Variants in HMGXB3 observed in about 807,000 individuals in gnomAD.
The protein encoded by HMGXB3 is HMG domain-containing protein 3.
A neutral mutation model predicts 121.5 loss-of-function variants in HMGXB3; 45 were observed. The ratio of observed to expected loss-of-function variants is 0.37; its 90% CI spans 0.29 to 0.47. The LOEUF (loss-of-function observed/expected upper bound fraction) is 0.47, where lower values mean the gene tolerates loss of function less well. Among genes scored for constraint, HMGXB3 ranks in the 20% least tolerant of loss-of-function variants. HMGXB3 has a pLI of 0.99. For missense variants in HMGXB3, 1,376 were observed against 1,602.2 expected (o/e 0.86, Z 2.41); for synonymous variants, 590 against 624.1 (o/e 0.95, Z 0.81).
Position 150,026,775 on chromosome 5 carries a change from A to G in HMGXB3, c.1530A>G (p.Leu510=). The G allele has an allele frequency of 6.4e-7, 1 of 1,550,850 alleles. No individual in the cohort carries two copies. The highest frequency in any genetic ancestry group is 1.4e-5 in the African/African-American group (1 of 73,072). ...LKGRARGKPS[L]LAAARPMRAI... is the part of the protein sequence containing the mutation. ...GCAGAGCACGGGGCAAGCCCTCATTACTGGCTGCAGCAAGACCCATGAGAG... is the reference window on the plus strand; with the variant it reads ...GCAGAGCACGGGGCAAGCCCTCATTGCTGGCTGCAGCAAGACCCATGAGAG... The change falls in exon 8 of 20, where the codon TTA becomes TTG. Residue 510 remains leucine, a synonymous_variant. Transcript: ENST00000502717.
chr5:150,048,452 C>G, intron 17 of HMGXB3, 117 bp from the exon 18 acceptor site: 3 of 753,932 alleles, frequency 4.0e-6, no homozygotes, highest in Non-Finnish European at 4.6e-6. Context: ...AAGGCCCGCT[C>G]TGACCCAGGC....
At chr5:150,033,408 G>T (rs894489680) in intron 11 of HMGXB3, among the ~76,000 whole-genome samples, 21 of 152,192 alleles carry the variant, frequency 1.4e-4, no homozygotes, top group African/African-American at 4.3e-4. Context: ...AATGGAAGGG[G>T]AAGGCATGCC....
In HMGXB3 at chr5:150,052,706, C is replaced by G. The variant is rs2113768386; in HGVS notation, c.*514C>G. 6.4e-6 allele frequency: 1 copy of G among 156,572 alleles called. No individual in the cohort carries two copies. Among genetic ancestry groups the G allele is most frequent in the Admixed American group, 6.2e-5 (1 of 16,248 alleles). The allele number at this position is 156,572 out of a possible 1,614,324, so 9.7% of individuals were successfully genotyped here. On this transcript the variant is annotated 3_prime_UTR_variant, in exon 20 of 20. Transcript: ENST00000502717. ...GGTCCCTTTGGGCTCTTGATTCTCC[C>G]TGAAGGAGGGATGCATTTCTCTCTT... is the stretch of plus-strand genomic sequence containing the variant.
rs2113767841 is a variant in HMGXB3, at chr5:150,052,398, C to T, written c.*206C>T. 1 of 567,718 alleles carries T rather than the reference C, an allele frequency of 1.8e-6. No homozygotes were observed. Among genetic ancestry groups the T allele is most frequent in the East Asian group, 2.8e-5 (1 of 35,358 alleles). 35.2% of individuals were successfully genotyped at this position (567,718 alleles called of 1,614,324 possible). A position where few individuals can be genotyped will look rare whatever the true frequency, so the allele number is the denominator to read the frequency against. ...ACCCTCCAGGGGTCAGGAGTGGTACCAGGAAACCTCTTCTGGCCCCGAGAG... is the reference window on the plus strand; with the variant it reads ...ACCCTCCAGGGGTCAGGAGTGGTACTAGGAAACCTCTTCTGGCCCCGAGAG... On this transcript the variant is annotated 3_prime_UTR_variant, in exon 20 of 20. Coordinates refer to ENST00000502717, the MANE Select transcript of HMGXB3 (RefSeq NM_014983.3).
At position 150,052,886 on chromosome 5, in the gene HMGXB3, G is replaced by A. The variant is rs895879766; in HGVS notation, c.*694G>A. The A allele has an allele frequency of 6.6e-6, 1 of 152,428 alleles. No homozygotes were observed. The highest frequency in any genetic ancestry group is 1.5e-5 in the Non-Finnish European group (1 of 68,294). The allele number at this position is 152,428 out of a possible 1,614,324, so 9.4% of individuals were successfully genotyped here. A position where few individuals can be genotyped will look rare whatever the true frequency, so the allele number is the denominator to read the frequency against. ...TGCTGCTGCAGCCAATATCCTCTCTGGGCCTGGGACCCTCTCCACAGAGGG... is the reference window on the plus strand; with the variant it reads ...TGCTGCTGCAGCCAATATCCTCTCTAGGCCTGGGACCCTCTCCACAGAGGG... On this transcript the variant is annotated 3_prime_UTR_variant, in exon 20 of 20. Transcript: ENST00000502717.
intron 8 of HMGXB3, 43 bp downstream of exon 8, chr5:150,026,924 G>A: frequency 6.6e-7 from 1 of 1,514,784 alleles, no homozygotes; most frequent in Non-Finnish European, 8.9e-7. Flanking sequence ...CTGTCTGACA[G>A]GAAAGGGACA....
At position 150,036,921 on chromosome 5, in the gene HMGXB3, T is replaced by G; in HGVS notation, c.2269T>G (p.Phe757Val). ...GTGCCTTCTCTGTAGCAGCCCATTA[T>G]TCAAAGGGGGACAAAAGTAAGCACC... is the stretch of plus-strand genomic sequence containing the variant. Reference protein sequence around the residue: ...TQCLLCSSPLFKGGQNSLAGP... With the variant: ...TQCLLCSSPLVKGGQNSLAGP... Residue 757 changes from phenylalanine to valine, a missense_variant, in exon 12 of 20, where the codon TTC (phenylalanine) becomes GTC (valine). By Grantham distance (50) the Phe-to-Val change is conservative (BLOSUM62 -1). Transcript: ENST00000502717. 1.3e-6 allele frequency: 2 copies of G among 1,551,012 alleles called. No homozygotes were observed. Among genetic ancestry groups the G allele is most frequent in the Non-Finnish European group, 1.7e-6 (2 of 1,146,626 alleles).
rs571807817 is a variant in HMGXB3 at position 150,044,855 on chromosome 5, A to G, written c.2731-611A>G. Among the ~76,000 whole-genome samples, 17 of 152,340 alleles carry G rather than the reference A, an allele frequency of 1.1e-4. No homozygotes were observed. The South Asian group carries it at 3.1e-3, about 28-fold the overall frequency. ...TGCAAGAAGAAAAATTGAGTAGCAC[A>G]AGCGCTATTAATAGATGTCTATAAG... On this transcript the variant is annotated intron_variant, in intron 15 of 19. Coordinates refer to ENST00000502717, the MANE Select transcript of HMGXB3 (RefSeq NM_014983.3).
chr5:150,030,861 G>A lies in HMGXB3; in HGVS notation c.1833+22G>A, dbSNP rs1330573684. The A allele has an allele frequency of 3.3e-6, 5 of 1,524,874 alleles. No homozygotes were observed. In the Admixed American group the frequency reaches 5.9e-5, roughly 18 times the overall value. 94.5% of individuals were successfully genotyped at this position (1,524,874 alleles called of 1,614,324 possible). A position where few individuals can be genotyped will look rare whatever the true frequency, so the allele number is the denominator to read the frequency against. On this transcript the variant is annotated intron_variant, in intron 10 of 19. Coordinates refer to ENST00000502717, the MANE Select transcript of HMGXB3 (RefSeq NM_014983.3). ...ATTGGTAAGTATGCAGCTAGGTGGT[G>A]GTGGGTTGACATGGAGGTTGTTTTG...
chr5:150,016,820 T>C (rs1358202235), intron 5 of HMGXB3, among the ~76,000 whole-genome samples: 1 of 152,222 alleles, frequency 6.6e-6, no homozygotes, highest in Non-Finnish European at 1.5e-5. Context: ...CTTCTTCTGA[T>C]ATAAGTATTT....
chr5:150,024,478 A>G lies in HMGXB3; in HGVS notation c.1258A>G (p.Ile420Val), dbSNP rs111881981. 83 of 1,551,726 alleles carry G rather than the reference A, an allele frequency of 5.3e-5. 2 individuals carry two copies. The African/African-American group carries it at 7.9e-4, about 15-fold the overall frequency. ...GEESEWEEVI[I>V]SDAHVLVKEA... ...GGAGAGTGAGTGGGAGGAAGTGATCATCTCCGATGCCCATGTTTTGGTTAA... is the reference window on the plus strand; with the variant it reads ...GGAGAGTGAGTGGGAGGAAGTGATCGTCTCCGATGCCCATGTTTTGGTTAA... The change falls in exon 7 of 20, where the codon ATC becomes GTC. Residue 420 changes from isoleucine (I) to valine (V), a missense_variant. Ile to Val is a conservative substitution (Grantham distance 29). Transcript: ENST00000502717.
chr5:150,020,790 G>A (rs915055037), intron 6 of HMGXB3, among the ~76,000 whole-genome samples: 4 of 145,358 alleles, frequency 2.8e-5, no homozygotes, highest in Admixed American at 7.1e-5. Flanking sequence ...CTATTGTCCA[G>A]GCTGGATAGC....
Position 150,027,041 on chromosome 5 carries a change from C to T in HMGXB3, c.1658C>T (p.Thr553Ile). 2 of 1,551,724 alleles carry T rather than the reference C, an allele frequency of 1.3e-6. No homozygotes were observed. The highest frequency in any genetic ancestry group is 1.7e-6 in the Non-Finnish European group (2 of 1,146,992). The stretch of plus-strand genomic sequence containing the variant: ...TCAGATAAGACTCCCTCTGTGAGGA[C>T]TTGTGGTCTGAAGCCAAGCACACTG... ...SLSDKTPSVR[T>I]CGLKPSTLKQ... The change falls in exon 9 of 20, where the codon ACT becomes ATT. Residue 553 changes from threonine to isoleucine, a missense_variant. By Grantham distance (89) the Thr-to-Ile change is moderately conservative. Transcript: ENST00000502717.
chr5:150,019,246 T>G (rs1185453728), intron 6 of HMGXB3, among the ~76,000 whole-genome samples: 1 of 152,236 alleles, frequency 6.6e-6, no homozygotes, highest in African/African-American at 2.4e-5. Context: ...TACACCATGT[T>G]TATTTACTTG....
Position 150,018,652 on chromosome 5 carries a change from G to T in HMGXB3, c.996G>T (p.Lys332Asn). The change falls in exon 6 of 20, where the codon AAG becomes AAT. Residue 332 changes from lysine to asparagine, a missense_variant. Physicochemically the swap from Lys to Asn is moderately conservative, Grantham distance 94 (BLOSUM62 0). Around this residue, in one of 2 missense-constraint regions of HMGXB3, gnomAD observed 1,116 missense variants for 1,369.0 expected, o/e 0.82. Coordinates refer to ENST00000502717, the MANE Select transcript of HMGXB3 (RefSeq NM_014983.3). ...FTYVTRHKPP[K>N]CPTCGNFLGG... ...ATGTCACCAGGCACAAGCCACCTAA[G>T]TGCCCTACCTGTGGTAACTTCCTAG... 1 of 1,551,088 alleles carries T rather than the reference G, an allele frequency of 6.4e-7. No individual in the cohort carries two copies. The highest frequency in any genetic ancestry group is 8.7e-7 in the Non-Finnish European group (1 of 1,146,738).
Position 150,041,843 on chromosome 5 carries a change from T to C in HMGXB3, c.2604T>C (p.Tyr868=). 1 of 1,551,746 alleles carries C rather than the reference T, an allele frequency of 6.4e-7. No homozygotes were observed. The highest frequency in any genetic ancestry group is 8.7e-7 in the Non-Finnish European group (1 of 1,146,982). Residue 868 remains tyrosine, a synonymous_variant, in exon 15 of 20, where the codon TAT becomes TAC. Coordinates refer to ENST00000502717, the MANE Select transcript of HMGXB3 (RefSeq NM_014983.3). ...TGCAGGAGCTGCTGTGCAATGGCTA[T>C]TGGGCCTTTGAGTGCCTCACTGTCC... ...SQLQELLCNG[Y]WAFECLTVRD... is the part of the protein sequence containing the mutation.
At chr5:150,011,164 G>A (rs1173226461) in intron 4 of HMGXB3, among the ~76,000 whole-genome samples, 1 of 152,142 alleles carries the variant, frequency 6.6e-6, no homozygotes, top group Non-Finnish European at 1.5e-5. Context: ...CCTGTACCCA[G>A]GTCTTCCTGG....
chr5:150,047,447 G>C (rs2569204), intron 16 of HMGXB3, 177 bp from the exon 17 acceptor site: 669,921 of 679,444 alleles, frequency 0.99, 330,268 homozygotes, highest in East Asian at 1. Context: ...AAAGCCAGTT[G>C]TAATAGACTT....
chr5:150,015,272 C>T (rs895536456), intron 5 of HMGXB3: 2 of 173,490 alleles, frequency 1.2e-5, no homozygotes, highest in East Asian at 3.0e-4. Flanking sequence ...GTCATTGATT[C>T]AAAACCTTTC....
Sources: allele counts gnomAD v4.1 joint callset (sites outside exome capture counted in the v4.1 genomes callset), GRCh38; gene constraint gnomAD v4.1.1; regional missense constraint gnomAD v4.1.1; transcripts MANE v1.5; gene names NCBI Gene and HGNC (gene_info 2026-07-23, HGNC 2026-07-21).